Variants in MAGI2 observed in about 807,000 individuals in gnomAD.
MAGI2 encodes membrane-associated guanylate kinase, WW and PDZ domain-containing protein 2.
MAGI2 carries 35 observed loss-of-function variants against 133.3 expected under a neutral mutation model. That is an observed-to-expected ratio of 0.26 (90% CI 0.20 to 0.35). The LOEUF (loss-of-function observed/expected upper bound fraction) is 0.35, where lower values mean the gene tolerates loss of function less well. MAGI2 is among the 10% of genes least tolerant of loss of function. MAGI2 has a pLI of 1.00. For synonymous variants in MAGI2, 729 were observed against 710.6 expected, an observed-to-expected ratio of 1.03 and a Z score of -0.41; for missense variants, 1,636 against 1,863.4, an observed-to-expected ratio of 0.88 and a Z score of 2.25.
At chr7:79,109,838 G>A (rs1818766167) in intron 1 of MAGI2, among the ~76,000 whole-genome samples, 1 of 150,468 alleles carries the variant, frequency 6.6e-6, no homozygotes, top group Non-Finnish European at 1.5e-5. Flanking sequence ...CTGAAATCTA[G>A]GTGGAGGCCA....
intron 20 of MAGI2, among the ~76,000 whole-genome samples, chr7:78,085,023 T>C (rs958319756): frequency 6.6e-6 from 1 of 152,232 alleles, no homozygotes; most frequent in African/African-American, 2.4e-5. Flanking sequence ...GGCCTGGCTT[T>C]TGTTATAAAC....
chr7:78,925,705 G>A (rs1243778010), intron 2 of MAGI2, among the ~76,000 whole-genome samples: 1 of 151,758 alleles, frequency 6.6e-6, no homozygotes, highest in Non-Finnish European at 1.5e-5. Context: ...GAGAATTGAA[G>A]AAAATATTTG....
At chr7:78,433,958 T>G (rs1180307611) in intron 6 of MAGI2, among the ~76,000 whole-genome samples, 1 of 152,160 alleles carries the variant, frequency 6.6e-6, no homozygotes, top group Admixed American at 6.6e-5. Flanking sequence ...TACCACAGTC[T>G]CGTCTAGCCA....
At chr7:79,060,513 A>G (rs1813629037) in intron 1 of MAGI2, among the ~76,000 whole-genome samples, 1 of 152,098 alleles carries the variant, frequency 6.6e-6, no homozygotes, top group African/African-American at 2.4e-5. Flanking sequence ...AGTAGGAGTC[A>G]AAAAATAGAA....
chr7:78,619,815 G>A (rs1016977148), intron 3 of MAGI2, among the ~76,000 whole-genome samples: 1 of 151,848 alleles, frequency 6.6e-6, no homozygotes, highest in South Asian at 2.1e-4. Context: ...CCTTAAAGGG[G>A]TATAAAACTT....
intron 3 of MAGI2, among the ~76,000 whole-genome samples, chr7:78,570,901 T>C (rs1213554015): frequency 1.3e-5 from 2 of 152,198 alleles, no homozygotes; most frequent in Non-Finnish European, 2.9e-5. Flanking sequence ...GTTCTTGACA[T>C]TGCAAGTCTA....
At chr7:78,492,648 G>A (rs186519536) in intron 5 of MAGI2, among the ~76,000 whole-genome samples, 30 of 152,218 alleles carry the variant, frequency 2.0e-4, no homozygotes, top group Admixed American at 5.9e-4. Flanking sequence ...CACATTCTGC[G>A]TACTATCTTT....
chr7:78,199,185 A>G lies in MAGI2; in HGVS notation c.2079+1977T>C, dbSNP rs959259707. Among the ~76,000 whole-genome samples the G allele has an allele frequency of 2.0e-5, 3 of 152,180 alleles. No individual in the cohort carries two copies. In the East Asian group the frequency reaches 5.8e-4, roughly 29 times the overall value. ...TCTCTTGTCCAGTCCCAAGGTGTCC[A>G]TGCCCAGTAAAGTGGGACTGAATAA... On this transcript the variant is annotated intron_variant, in intron 11 of 21. Transcript: ENST00000354212.
intron 6 of MAGI2, among the ~76,000 whole-genome samples, chr7:78,459,479 G>A (rs1173694626): frequency 3.3e-5 from 5 of 152,074 alleles, no homozygotes; most frequent in Non-Finnish European, 7.4e-5. Context: ...CCTCTTAAGA[G>A]CAAAGGTATT....
chr7:78,801,812 C>T (rs1030552490), intron 2 of MAGI2, among the ~76,000 whole-genome samples: 10 of 152,118 alleles, frequency 6.6e-5, no homozygotes, highest in African/African-American at 9.7e-5. Flanking sequence ...ATTTATTACT[C>T]ACCATCTTAT....
At chr7:79,017,648 T>G (rs545021812) in intron 1 of MAGI2, among the ~76,000 whole-genome samples, 15 of 152,100 alleles carry the variant, frequency 9.9e-5, no homozygotes, top group African/African-American at 3.6e-4. Flanking sequence ...TACTGACATA[T>G]AGGAGAAAGT....
chr7:78,122,432 A>G (rs1820562515), intron 20 of MAGI2, among the ~76,000 whole-genome samples: 1 of 152,050 alleles, frequency 6.6e-6, no homozygotes, highest in Admixed American at 6.5e-5. Context: ...TTTTTTGTGC[A>G]TTGATTGGTT....
intron 9 of MAGI2, among the ~76,000 whole-genome samples, chr7:78,260,908 C>T (rs751300310): frequency 5.9e-5 from 9 of 152,076 alleles, no homozygotes; most frequent in African/African-American, 1.4e-4. Context: ...AATCAAAATA[C>T]AGAATAGGAT....
In MAGI2 at chr7:79,028,291, ATG is replaced by A. The variant is rs1287860727; in HGVS notation, c.302-21087_302-21086del. On this transcript the variant is annotated intron_variant, in intron 1 of 21. Transcript: ENST00000354212. ...TATGTATGTATGTATATATATATAT[ATG>A]TGTGTATATATATATATATACACAC... Among the ~76,000 whole-genome samples the A allele has an allele frequency of 3.8e-4, 14 of 36,756 alleles. 1 individual carries two copies. Among genetic ancestry groups the A allele is most frequent in the Non-Finnish European group, 4.6e-4 (8 of 17,494 alleles). The allele number at this position is 36,756 out of a possible 152,430, so 24.1% of individuals were successfully genotyped here.
intron 21 of MAGI2, among the ~76,000 whole-genome samples, chr7:78,057,022 T>C (rs768746663): frequency 5.4e-5 from 8 of 148,932 alleles, no homozygotes; most frequent in Non-Finnish European, 1.0e-4. Flanking sequence ...ATATTTTATA[T>C]GTATAAATAT....
chr7:78,977,375 C>A (rs1179239198), intron 2 of MAGI2, among the ~76,000 whole-genome samples: 1 of 150,648 alleles, frequency 6.6e-6, no homozygotes, highest in Non-Finnish European at 1.5e-5. Context: ...CAGACAGCCA[C>A]ATGCAGAATG....
intron 6 of MAGI2, among the ~76,000 whole-genome samples, chr7:78,475,127 A>T (rs923331654): frequency 3.3e-5 from 5 of 152,012 alleles, no homozygotes; most frequent in Non-Finnish European, 7.4e-5. Context: ...CCTGAGGAAG[A>T]TCCATGAATG....
intron 9 of MAGI2, among the ~76,000 whole-genome samples, chr7:78,288,909 TAACA>T (rs1469666641): frequency 1.3e-5 from 2 of 151,826 alleles, no homozygotes; most frequent in Admixed American, 1.3e-4. Context: ...GAAGGAAAAC[TAACA>T]AACAGAAGGG....
intron 1 of MAGI2, among the ~76,000 whole-genome samples, chr7:79,331,441 G>T (rs889373499): frequency 6.6e-6 from 1 of 151,998 alleles, no homozygotes; most frequent in South Asian, 2.1e-4. Context: ...AAATACCAAC[G>T]TAGACATTTG....
Sources: gnomAD v4.1 joint callset for allele counts (sites outside exome capture counted in the v4.1 genomes callset) on GRCh38, gnomAD v4.1.1 for gene constraint, MANE v1.5 for transcripts, NCBI Gene and HGNC (gene_info 2026-07-23, HGNC 2026-07-21) for gene names.